DNTT: variants seen among roughly 807,000 people sequenced by gnomAD.
DNTT encodes the protein DNA nucleotidylexotransferase, also known as nucleosidetriphosphate:DNA deoxynucleotidylexotransferase.
Under a neutral mutation model 60.9 loss-of-function variants are expected in DNTT, and 47 were observed. That is an observed-to-expected ratio of 0.77 (90% CI 0.61 to 0.98). The LOEUF (loss-of-function observed/expected upper bound fraction) is 0.98. DNTT is among the 50% of genes least tolerant of loss of function. The pLI is 0.00. For missense variants in DNTT, 665 were observed against 627.5 expected (o/e 1.06, Z -0.64); for synonymous variants, 224 against 221.2 (o/e 1.01, Z -0.11).
intron 1 of DNTT, among the ~76,000 whole-genome samples, chr10:96,310,745 G>C (rs952243307): frequency 1.3e-5 from 2 of 152,122 alleles, no homozygotes; most frequent in African/African-American, 4.8e-5. Flanking sequence ...CACATAGGAG[G>C]CCTCAAGAAA....
intron 8 of DNTT, among the ~76,000 whole-genome samples, chr10:96,330,346 G>A (rs1205801735): frequency 7.0e-6 from 1 of 142,856 alleles, no homozygotes; most frequent in Non-Finnish European, 1.5e-5. Context: ...GGGAAGGTGT[G>A]TTATTACAAA....
intron 1 of DNTT, among the ~76,000 whole-genome samples, chr10:96,315,983 C>T (rs887233112): frequency 1.3e-5 from 2 of 152,118 alleles, no homozygotes; most frequent in Admixed American, 6.5e-5. Context: ...TTAGGCACAT[C>T]CTGCCATCCA....
In DNTT at chr10:96,338,147, C is replaced by T; in HGVS notation, c.1453C>T (p.Leu485Phe). 6.2e-7 allele frequency: 1 copy of T among 1,612,960 alleles called. No homozygotes were observed. The highest frequency in any genetic ancestry group is 8.5e-7 in the Non-Finnish European group (1 of 1,179,700). ...CTTGTTATGTTTTCAGAGGATATTC[C>T]TCAAAGCAGAAAGTGAAGAAGAAAT... ...ALYDKTKRIF[L>F]KAESEEEIFA... Residue 485 changes from leucine (L) to phenylalanine (F), a missense_variant, in exon 11 of 11, where the codon CTC (leucine) becomes TTC (phenylalanine). Transcript: ENST00000371174.
intron 1 of DNTT, among the ~76,000 whole-genome samples, chr10:96,314,461 G>A (rs1313496661): frequency 1.6e-5 from 2 of 125,820 alleles, no homozygotes; most frequent in Non-Finnish European, 3.2e-5. Context: ...CGCCCAGGCT[G>A]GAGTGTAGTG....
At chr10:96,328,687 C>A (rs377638690) in intron 7 of DNTT, 38 bp from the exon 8 acceptor site, 9 of 1,586,958 alleles carry the variant, frequency 5.7e-6, no homozygotes, top group African/African-American at 1.4e-5. Context: ...AGACTAATAT[C>A]TAATTGATTT....
rs1442967639 is a variant in DNTT at position 96,332,091 on chromosome 10, G to A, written c.1114-260G>A. On this transcript the variant is annotated intron_variant, in intron 8 of 10. Coordinates refer to ENST00000371174, the MANE Select transcript of DNTT (RefSeq NM_004088.4). ...ACTAGCTGAGGTTCAGAAGTGGAGA[G>A]GGAGATTTTCTTGCAGTTTTGCCAT... is the stretch of plus-strand genomic sequence containing the variant. Among the ~76,000 whole-genome samples, 3 of 152,346 alleles carry A rather than the reference G, an allele frequency of 2.0e-5. No homozygotes were observed. In the East Asian group the frequency reaches 5.8e-4, roughly 29 times the overall value.
rs1844857881 is a variant in DNTT at position 96,320,655 on chromosome 10, G to A, written c.545G>A (p.Arg182Lys). 1.2e-6 allele frequency: 2 copies of A among 1,613,678 alleles called. No individual in the cohort carries two copies. The highest frequency in any genetic ancestry group is 2.7e-5 in the African/African-American group (2 of 74,892). ...FDILAENCEF[R>K]ENEDSCVTFM... is the part of the protein sequence containing the mutation. ...ATACTGGCTGAAAACTGTGAGTTTAGAGAAAATGAAGACTCCTGTGTGACA... is the reference window on the plus strand; with the variant it reads ...ATACTGGCTGAAAACTGTGAGTTTAAAGAAAATGAAGACTCCTGTGTGACA... The change falls in exon 4 of 11, where the codon AGA becomes AAA. Residue 182 changes from arginine (R) to lysine (K), a missense_variant. By Grantham distance (26) the Arg-to-Lys change is conservative (BLOSUM62 2). Coordinates refer to ENST00000371174, the MANE Select transcript of DNTT (RefSeq NM_004088.4).
chr10:96,331,175 GAGAA>G (rs1366787153), intron 8 of DNTT, among the ~76,000 whole-genome samples: 1 of 152,156 alleles, frequency 6.6e-6, no homozygotes, highest in Non-Finnish European at 1.5e-5. Flanking sequence ...ACACTCTCAT[GAGAA>G]AGAGTCTCCC....
intron 6 of DNTT, among the ~76,000 whole-genome samples, chr10:96,325,392 A>G (rs890709465): frequency 6.6e-6 from 1 of 152,260 alleles, no homozygotes; most frequent in Non-Finnish European, 1.5e-5. Context: ...GATGCCATTC[A>G]AAAGAAATTT....
chr10:96,335,802 G>A, intron 9 of DNTT, 89 bp from the exon 10 acceptor site: 1 of 1,415,032 alleles, frequency 7.1e-7, no homozygotes, highest in Non-Finnish European at 1.0e-6. Context: ...GTTTAGTGGA[G>A]TTACATATTT....
chr10:96,319,436 A>G (rs754317350), intron 3 of DNTT, 46 bp downstream of exon 3: 2 of 1,600,120 alleles, frequency 1.2e-6, no homozygotes, highest in Non-Finnish European at 1.7e-6. Context: ...AAGGGCTTGC[A>G]GCTTCTTTCT....
At chr10:96,307,214 C>A (rs1037407446) in intron 1 of DNTT, among the ~76,000 whole-genome samples, 1 of 152,000 alleles carries the variant, frequency 6.6e-6, no homozygotes, top group Non-Finnish European at 1.5e-5. Flanking sequence ...ACAATATGAA[C>A]AAGGTCAAAT....
At chr10:96,321,192 G>T (rs1490010191) in intron 4 of DNTT, among the ~76,000 whole-genome samples, 3 of 152,126 alleles carry the variant, frequency 2.0e-5, no homozygotes, top group Non-Finnish European at 2.9e-5. Context: ...AAGTTTCAGA[G>T]CAGGAGTGGA....
At position 96,338,206 on chromosome 10, in the gene DNTT, G is replaced by T. The variant is rs373031210; in HGVS notation, c.1512G>T (p.Pro504=). 1.2e-6 allele frequency: 2 copies of T among 1,611,284 alleles called. No homozygotes were observed. Among genetic ancestry groups the T allele is most frequent in the African/African-American group, 2.7e-5 (2 of 74,820 alleles). Residue 504 remains proline (P), a synonymous_variant, in exon 11 of 11, where the codon CCG becomes CCT. Coordinates refer to ENST00000371174, the MANE Select transcript of DNTT (RefSeq NM_004088.4). ...FAHLGLDYIE[P]WERNA is the part of the protein sequence containing the mutation. ...ATCTGGGATTGGATTATATTGAACCGTGGGAAAGAAATGCCTAGGAAAGTG... is the reference window on the plus strand; with the variant it reads ...ATCTGGGATTGGATTATATTGAACCTTGGGAAAGAAATGCCTAGGAAAGTG...
chr10:96,316,798 C>T (rs918120793), intron 1 of DNTT, among the ~76,000 whole-genome samples: 1 of 152,178 alleles, frequency 6.6e-6, no homozygotes, highest in African/African-American at 2.4e-5. Flanking sequence ...CATGTCTTGT[C>T]ATAATTCACA....
intron 7 of DNTT, 103 bp from the exon 8 acceptor site, chr10:96,328,622 A>G (rs1288696563): frequency 2.7e-6 from 3 of 1,113,504 alleles, no homozygotes; most frequent in Admixed American, 5.2e-5. Context: ...AGAACCTTCT[A>G]TGTTGCAAAT....
intron 8 of DNTT, among the ~76,000 whole-genome samples, chr10:96,331,161 A>G (rs971938058): frequency 6.6e-6 from 1 of 152,160 alleles, no homozygotes; most frequent in Non-Finnish European, 1.5e-5. Context: ...AGGCAGGTGG[A>G]CTAACACTCT....
Position 96,314,401 on chromosome 10 carries a change from C to CTTTTTTTTTTT in DNTT, c.204-3951_204-3950insTTTTTTTTTTT, listed in dbSNP as rs1564870098. Among the ~76,000 whole-genome samples, 21 of 39,840 alleles carry CTTTTTTTTTTT rather than the reference C, an allele frequency of 5.3e-4. No homozygotes were observed. In the East Asian group the frequency reaches 5.9e-3, roughly 11 times the overall value. The allele number at this position is 39,840 out of a possible 152,430, so 26.1% of individuals were successfully genotyped here. ...TTAACATTTCCAAGGCTATCTCTTC[C>CTTTTTTTTTTT]CTTTTTTTTTTTTTTTTTTTTTTTT... On this transcript the variant is annotated intron_variant, in intron 1 of 10. Coordinates refer to ENST00000371174, the MANE Select transcript of DNTT (RefSeq NM_004088.4).
intron 8 of DNTT, among the ~76,000 whole-genome samples, chr10:96,329,039 A>AT (rs3831014): frequency 0.88 from 134,109 of 152,268 alleles, 59,140 homozygotes; most frequent in Middle Eastern, 0.93. Context: ...TATCTTGTTT[A>AT]TTATACTTAC....
Sources: gnomAD v4.1 joint callset for allele counts (sites outside exome capture counted in the v4.1 genomes callset) on GRCh38, gnomAD v4.1.1 for gene constraint, MANE v1.5 for transcripts, NCBI Gene and HGNC (gene_info 2026-07-23, HGNC 2026-07-21) for gene names.